The following TACR1 variants were observed in gnomAD, a reference collection of about 807,000 sequenced individuals.
TACR1 encodes substance-P receptor.
TACR1 carries 25 observed loss-of-function variants against 35.8 expected under a neutral mutation model. That is an observed-to-expected ratio of 0.70 (90% confidence interval 0.51 to 0.98). The LOEUF (loss-of-function observed/expected upper bound fraction) is 0.98, where lower values mean the gene tolerates loss of function less well. Ranked by LOEUF, TACR1 falls within the 50% of genes least tolerant of loss-of-function variation. The pLI is 0.00. For missense variants in TACR1, 478 were observed against 522.9 expected, an observed-to-expected ratio of 0.91 and a Z score of 0.84; for synonymous variants, 195 against 206.7, an observed-to-expected ratio of 0.94 and a Z score of 0.48.
rs569632788 is a variant in TACR1, at chr2:75,073,422, C to G, written c.585-19667G>C. 2.6e-5 allele frequency among the ~76,000 whole-genome samples: 4 copies of G among 152,332 alleles called. No individual in the cohort carries two copies. In the South Asian group the frequency reaches 6.2e-4, roughly 24 times the overall value. On this transcript the variant is annotated intron_variant, in intron 2 of 4. Coordinates refer to ENST00000305249, the MANE Select transcript of TACR1 (RefSeq NM_001058.4). The stretch of plus-strand genomic sequence containing the variant: ...CCAACTTCTTTGGACTGACATCCCC[C>G]TTCAAGGGAGTAAGTGTGTGTGGCA...
chr2:75,150,741 G>C (rs1226687547), intron 1 of TACR1, among the ~76,000 whole-genome samples: 1 of 152,238 alleles, frequency 6.6e-6, no homozygotes, highest in East Asian at 1.9e-4. Context: ...CTTTGGAACT[G>C]GGTAACAGGT....
At chr2:75,120,518 C>A in intron 2 of TACR1, 56 bp downstream of exon 2, 3 of 1,475,824 alleles carry the variant, frequency 2.0e-6, no homozygotes, top group Non-Finnish European at 2.7e-6. Flanking sequence ...CAAGAAGGGG[C>A]CAGGAAGGCA....
At chr2:75,087,324 C>T (rs544140963) in intron 2 of TACR1, among the ~76,000 whole-genome samples, 203 of 152,252 alleles carry the variant, frequency 1.3e-3, no homozygotes, top group Admixed American at 2.9e-3. Flanking sequence ...AGTAAGATGA[C>T]CTGGTAACAG....
chr2:75,195,911 T>C (rs1186313274), intron 1 of TACR1, among the ~76,000 whole-genome samples: 4 of 152,204 alleles, frequency 2.6e-5, no homozygotes, highest in Non-Finnish European at 5.9e-5. Flanking sequence ...AAATATAGGC[T>C]ACAAAATTAT....
chr2:75,164,840 C>T (rs1675101381), intron 1 of TACR1, among the ~76,000 whole-genome samples: 1 of 152,152 alleles, frequency 6.6e-6, no homozygotes, highest in Non-Finnish European at 1.5e-5. Context: ...AGGTTGCTAA[C>T]AATGCTCAGT....
At chr2:75,152,858 G>T (rs972764356) in intron 1 of TACR1, among the ~76,000 whole-genome samples, 1 of 152,114 alleles carries the variant, frequency 6.6e-6, no homozygotes, top group African/African-American at 2.4e-5. Flanking sequence ...TGGATCAAAG[G>T]CTATTAATTC....
At chr2:75,090,185 C>T (rs1673281511) in intron 2 of TACR1, among the ~76,000 whole-genome samples, 1 of 152,192 alleles carries the variant, frequency 6.6e-6, no homozygotes, top group African/African-American at 2.4e-5. Flanking sequence ...TCCTGTTCTG[C>T]TTTTTCTTTT....
At chr2:75,106,160 A>G (rs1673641026) in intron 2 of TACR1, among the ~76,000 whole-genome samples, 1 of 152,090 alleles carries the variant, frequency 6.6e-6, no homozygotes. Context: ...AAACTGTTCT[A>G]AAATATAACT....
intron 1 of TACR1, chr2:75,156,264 T>C (rs1674850421): frequency 6.6e-6 from 1 of 152,130 alleles, no homozygotes; most frequent in African/African-American, 2.4e-5. Flanking sequence ...ACTGGAATTA[T>C]GCAGCCACAA....
At chr2:75,136,231 T>C (rs1014616674) in intron 1 of TACR1, among the ~76,000 whole-genome samples, 1 of 152,190 alleles carries the variant, frequency 6.6e-6, no homozygotes, top group Middle Eastern at 3.2e-3. Flanking sequence ...CTTCCTGCCC[T>C]GTGCTGTGGC....
intron 1 of TACR1, among the ~76,000 whole-genome samples, chr2:75,177,861 T>C (rs1351188055): frequency 6.6e-6 from 1 of 152,206 alleles, no homozygotes; most frequent in African/African-American, 2.4e-5. Flanking sequence ...TCCCCAAATA[T>C]TTCTGTAGTC....
At chr2:75,151,313 G>A (rs544551204) in intron 1 of TACR1, among the ~76,000 whole-genome samples, 3 of 152,190 alleles carry the variant, frequency 2.0e-5, no homozygotes, top group Admixed American at 1.3e-4. Flanking sequence ...AGGCCCAGAG[G>A]CCCAGAAGGA....
At chr2:75,139,942 A>C (rs1674368462) in intron 1 of TACR1, among the ~76,000 whole-genome samples, 1 of 152,226 alleles carries the variant, frequency 6.6e-6, no homozygotes, top group African/African-American at 2.4e-5. Flanking sequence ...CATTAATTCT[A>C]GGTGCACATC....
At chr2:75,111,961 GAAACCCTCTCAAAGGCTCCA>G (rs1439762570) in intron 2 of TACR1, among the ~76,000 whole-genome samples, 1 of 151,682 alleles carries the variant, frequency 6.6e-6, no homozygotes, top group Non-Finnish European at 1.5e-5. Context: ...ATTTAAAAAG[GAAACCCTCTCAAAGGCTCCA>G]ATATGCTATT....
chr2:75,149,606 C>T (rs747455811), intron 1 of TACR1, among the ~76,000 whole-genome samples: 1 of 152,282 alleles, frequency 6.6e-6, no homozygotes. Flanking sequence ...TGGGACTTTG[C>T]TGAAGTTGCT....
intron 2 of TACR1, among the ~76,000 whole-genome samples, chr2:75,117,133 T>TTGTGTG (rs3079167): frequency 6.7e-5 from 10 of 148,758 alleles, no homozygotes; most frequent in South Asian, 2.1e-4. Flanking sequence ...ACTTTGTGGA[T>TTGTGTG]TGTGTGTGTG....
intron 1 of TACR1, among the ~76,000 whole-genome samples, chr2:75,192,475 G>A (rs1156881794): frequency 1.3e-5 from 2 of 152,306 alleles, no homozygotes; most frequent in Middle Eastern, 3.4e-3. Context: ...TTTAAGCAGA[G>A]TTTGGTACTC....
At chr2:75,123,762 C>T (rs1674018448) in intron 1 of TACR1, among the ~76,000 whole-genome samples, 2 of 152,052 alleles carry the variant, frequency 1.3e-5, no homozygotes, top group South Asian at 2.1e-4. Context: ...TTCTGGGGCT[C>T]GTTTAACATG....
intron 1 of TACR1, among the ~76,000 whole-genome samples, chr2:75,185,008 A>T (rs1207559942): frequency 1.3e-5 from 2 of 151,914 alleles, no homozygotes; most frequent in Admixed American, 6.5e-5. Flanking sequence ...GTTTTAGATT[A>T]TGAATCCAGA....
Sources: gnomAD v4.1 joint callset for allele counts (sites outside exome capture counted in the v4.1 genomes callset) on GRCh38, gnomAD v4.1.1 for gene constraint, MANE v1.5 for transcripts, NCBI Gene and HGNC (gene_info 2026-07-23, HGNC 2026-07-21) for gene names.